Variants in SLC38A2 observed in about 807,000 individuals in gnomAD.
SLC38A2 encodes the protein sodium-coupled neutral amino acid symporter 2.
In SLC38A2, 11 loss-of-function variants were observed where a neutral mutation model predicts 61.5. The ratio of observed to expected loss-of-function variants is 0.18; its 90% CI spans 0.11 to 0.30. The LOEUF is 0.30. SLC38A2 is among the 10% of genes least tolerant of loss of function. The pLI is 1.00. For synonymous variants in SLC38A2, 217 were observed against 212.5 expected (o/e 1.02, Z -0.18); for missense variants, 522 against 600.4 (o/e 0.87, Z 1.36).
rs1313286432 is a variant in SLC38A2, at chr12:46,364,494, T to C, written c.768A>G (p.Thr256=). ...TTGGCTGTGTTAAGGTGGTGTTTAT[T>C]GTTTCGTTAATTATCAAAGCAGCTT... ...PVEAALIINE[T]INTTLTQPTA... The change falls in exon 10 of 16, where the codon ACA becomes ACG. Residue 256 remains threonine (T), a synonymous_variant. Transcript: ENST00000256689. The C allele has an allele frequency of 5.0e-6, 8 of 1,612,476 alleles. No individual in the cohort carries two copies. The highest frequency in any genetic ancestry group is 1.3e-5 in the African/African-American group (1 of 74,770).
In SLC38A2 at chr12:46,362,548, T is replaced by C. The variant is rs762986908; in HGVS notation, c.1270A>G (p.Thr424Ala). 1.2e-6 allele frequency: 2 copies of C among 1,601,788 alleles called. No homozygotes were observed. The highest frequency in any genetic ancestry group is 1.7e-6 in the Non-Finnish European group (2 of 1,177,022). The change falls in exon 14 of 16, where the codon ACC becomes GCC. Residue 424 changes from threonine (T) to alanine (A), a missense_variant. Physicochemically the swap from Thr to Ala is moderately conservative, Grantham distance 58. Around this residue, in one of 3 missense-constraint regions of SLC38A2, gnomAD observed 309 missense variants for 343.9 expected, o/e 0.90. Transcript: ENST00000256689. Reference sequence around the variant, plus strand: ...GGGACAAAGATGACAAGTAAATTGGTAAATGCCAAGATAGACACTGTAATG... The same window carrying C: ...GGGACAAAGATGACAAGTAAATTGGCAAATGCCAAGATAGACACTGTAATG... ...SLITVSILAF[T>A]NLLVIFVPTI...
At position 46,364,656 on chromosome 12, in the gene SLC38A2, G is replaced by T; in HGVS notation, c.693C>A (p.Phe231Leu). ...AAATCATACCCACCACAATCAGAAA[G>T]AACACCATACACAACAAGGAAAGGC... The part of the protein sequence containing the change: ...TSGLSLLCMV[F>L]FLIVVICKKF... Residue 231 changes from phenylalanine to leucine, a missense_variant, in exon 9 of 16, where the codon TTC becomes TTA. By Grantham distance (22) the Phe-to-Leu change is conservative. Transcript: ENST00000256689. The T allele has an allele frequency of 6.2e-7, 1 of 1,608,618 alleles. No homozygotes were observed. Among genetic ancestry groups the T allele is most frequent in the Non-Finnish European group, 8.5e-7 (1 of 1,178,056 alleles).
intron 4 of SLC38A2, among the ~76,000 whole-genome samples, chr12:46,369,003 C>G (rs1423725718): frequency 1.3e-5 from 2 of 152,158 alleles, no homozygotes; most frequent in Non-Finnish European, 2.9e-5. Flanking sequence ...TAAAATCACA[C>G]TTTAGCAATC....
rs776266864 is a variant in SLC38A2 at position 46,361,224 on chromosome 12, G to C, written c.1423-15C>G. The C allele has an allele frequency of 6.2e-7, 1 of 1,603,258 alleles. No individual in the cohort carries two copies. On this transcript the variant is annotated splice_polypyrimidine_tract_variant and intron_variant, in intron 15 of 15. Coordinates refer to ENST00000256689, the MANE Select transcript of SLC38A2 (RefSeq NM_018976.5). ...AAGAACAAAGCCTGCAAAGAGCATA[G>C]AGAAAATTGATCAGCAAGTAATAAA... is the stretch of plus-strand genomic sequence containing the variant.
intron 8 of SLC38A2, 123 bp downstream of exon 8, chr12:46,364,984 G>A: frequency 2.1e-6 from 2 of 943,896 alleles, no homozygotes; most frequent in Non-Finnish European, 3.3e-6. Context: ...CATGCTGTAA[G>A]TCCCAAAGAT....
At chr12:46,368,975 AAAGT>A (rs1231973924) in intron 4 of SLC38A2, among the ~76,000 whole-genome samples, 1 of 152,186 alleles carries the variant, frequency 6.6e-6, no homozygotes, top group African/African-American at 2.4e-5. Flanking sequence ...CTCTAAATAT[AAAGT>A]AAGTACTGAT....
intron 3 of SLC38A2, 68 bp from the exon 4 acceptor site, chr12:46,370,695 A>G: frequency 6.5e-7 from 1 of 1,545,342 alleles, no homozygotes; most frequent in Non-Finnish European, 8.9e-7. Context: ...GCTTTGGGCA[A>G]GTTAGATTTG....
At position 46,358,331 on chromosome 12, in the gene SLC38A2, CAA is replaced by C. The variant is rs2120506448; in HGVS notation, c.*2778_*2779del. On this transcript the variant is annotated 3_prime_UTR_variant, in exon 16 of 16. Coordinates refer to ENST00000256689, the MANE Select transcript of SLC38A2 (RefSeq NM_018976.5). The stretch of plus-strand genomic sequence containing the variant: ...AGTGGGGATATTTACACTATATACA[CAA>C]AGTTAATACACCCAGGTTCTCAAAG... 1 of 152,670 alleles carries C rather than the reference CAA, an allele frequency of 6.6e-6. No individual in the cohort carries two copies. Among genetic ancestry groups the C allele is most frequent in the African/African-American group, 2.4e-5 (1 of 41,548 alleles). The allele number at this position is 152,670 out of a possible 1,614,324, so 9.5% of individuals were successfully genotyped here.
In SLC38A2 at chr12:46,360,626, TTAAAAG is replaced by T. The variant is rs1326906999; in HGVS notation, c.*479_*484del. On this transcript the variant is annotated 3_prime_UTR_variant, in exon 16 of 16. Transcript: ENST00000256689. ...GAATAAAGTTCAAAAAAGCAATTTC[TTAAAAG>T]TAAAAGAGTGCTTCTGAGGTCTTTA... is the stretch of plus-strand genomic sequence containing the variant. The T allele has an allele frequency of 4.6e-5, 7 of 152,828 alleles. No homozygotes were observed. The highest frequency in any genetic ancestry group is 1.9e-4 in the East Asian group (1 of 5,202). 9.5% of individuals were successfully genotyped at this position (152,828 alleles called of 1,614,324 possible). A position where few individuals can be genotyped will look rare whatever the true frequency, so the allele number is the denominator to read the frequency against.
Position 46,371,871 on chromosome 12 carries a change from C to A in SLC38A2, c.-86-492G>T, listed in dbSNP as rs978937399. ...GGAGAAATGCCTCTGCCGCAGACAG[C>A]CTTCCCCAGGAGGCGGAAAGGGCCG... is the stretch of plus-strand genomic sequence containing the variant. On this transcript the variant is annotated intron_variant, in intron 1 of 15. Transcript: ENST00000256689. Among the ~76,000 whole-genome samples the A allele has an allele frequency of 7.9e-5, 12 of 152,304 alleles. No homozygotes were observed. The East Asian group carries it at 1.9e-3, about 25-fold the overall frequency.
Position 46,363,089 on chromosome 12 carries a change from GAAT to G in SLC38A2, c.1108_1110del (p.Ile370del). The stretch of plus-strand genomic sequence containing the variant: ...ACAGCCAGACGGACAATGAGAAGAA[GAAT>G]ATCAGTTCCCAAGATAGAAGAGTAG... On this transcript the variant is annotated inframe_deletion, in exon 13 of 16. Coordinates refer to ENST00000256689, the MANE Select transcript of SLC38A2 (RefSeq NM_018976.5). 6.2e-7 allele frequency: 1 copy of G among 1,613,040 alleles called. No homozygotes were observed. The highest frequency in any genetic ancestry group is 8.5e-7 in the Non-Finnish European group (1 of 1,179,220).
Position 46,361,090 on chromosome 12 carries a change from T to C in SLC38A2, c.*21A>G. On this transcript the variant is annotated 3_prime_UTR_variant, in exon 16 of 16. Transcript: ENST00000256689. ...CAACACTGGCATCAGATGGACTGAG[T>C]TTGAGTTTGAGTGGTGCCAATTAAT... The C allele has an allele frequency of 6.3e-7, 1 of 1,593,280 alleles. No homozygotes were observed. The highest frequency in any genetic ancestry group is 8.6e-7 in the Non-Finnish European group (1 of 1,163,006).
chr12:46,367,503 C>T, intron 4 of SLC38A2, 163 bp from the exon 5 acceptor site: 1 of 615,506 alleles, frequency 1.6e-6, no homozygotes, highest in Non-Finnish European at 2.9e-6. Flanking sequence ...GGAATGGCAA[C>T]ACTGTCTCTT....
At position 46,363,818 on chromosome 12, in the gene SLC38A2, C is replaced by G; in HGVS notation, c.962G>C (p.Arg321Pro). The G allele has an allele frequency of 6.3e-7, 1 of 1,590,852 alleles. No homozygotes were observed. Among genetic ancestry groups the G allele is most frequent in the Non-Finnish European group, 8.5e-7 (1 of 1,172,070 alleles). Residue 321 changes from arginine (R) to proline (P), a missense_variant, in exon 12 of 16, where the codon CGT (arginine) becomes CCT (proline). Physicochemically the swap from Arg to Pro is moderately radical, Grantham distance 103 (BLOSUM62 -2). This residue lies in a region of SLC38A2 where 309 missense variants were observed against 343.9 expected (regional missense o/e 0.90). Transcript: ENST00000256689. Reference sequence around the variant, plus strand: ...CTTGGACACATTCATCATTCTTCTACGGCTGCGGCTATGTAATTCAAGAGA... The same window carrying G: ...CTTGGACACATTCATCATTCTTCTAGGGCTGCGGCTATGTAATTCAAGAGA... ...PIYEELKDRS[R>P]RRMMNVSKIS... is the part of the protein sequence containing the mutation.
Position 46,358,595 on chromosome 12 carries a change from G to A in SLC38A2, c.*2516C>T, listed in dbSNP as rs190189018. ...TCAATTTTCTGTACAGGTACTTTTGGGACAATTCTTATAGTTACATAATGT... is the reference window on the plus strand; with the variant it reads ...TCAATTTTCTGTACAGGTACTTTTGAGACAATTCTTATAGTTACATAATGT... On this transcript the variant is annotated 3_prime_UTR_variant, in exon 16 of 16. Transcript: ENST00000256689. The A allele has an allele frequency of 1.6e-3, 237 of 152,110 alleles. No homozygotes were observed. The highest frequency in any genetic ancestry group is 5.5e-3 in the African/African-American group (226 of 41,368). The allele number at this position is 152,110 out of a possible 1,614,324, so 9.4% of individuals were successfully genotyped here. A position where few individuals can be genotyped will look rare whatever the true frequency, so the allele number is the denominator to read the frequency against.
At position 46,361,222 on chromosome 12, in the gene SLC38A2, T is replaced by C. The variant is rs773045955; in HGVS notation, c.1423-13A>G. ...GGAAGAACAAAGCCTGCAAAGAGCA[T>C]AGAGAAAATTGATCAGCAAGTAATA... On this transcript the variant is annotated splice_polypyrimidine_tract_variant and intron_variant, in intron 15 of 15. Coordinates refer to ENST00000256689, the MANE Select transcript of SLC38A2 (RefSeq NM_018976.5). 5.0e-6 allele frequency: 8 copies of C among 1,606,176 alleles called. No individual in the cohort carries two copies. The highest frequency in any genetic ancestry group is 1.7e-4 in the Middle Eastern group (1 of 6,050).
intron 3 of SLC38A2, 51 bp downstream of exon 3, chr12:46,370,725 T>C: frequency 6.5e-7 from 1 of 1,544,234 alleles, no homozygotes; most frequent in Non-Finnish European, 8.9e-7. Context: ...AGTAAAACTA[T>C]TCTTTTACTC....
At position 46,359,457 on chromosome 12, in the gene SLC38A2, G is replaced by A. The variant is rs533003342; in HGVS notation, c.*1654C>T. On this transcript the variant is annotated 3_prime_UTR_variant, in exon 16 of 16. Coordinates refer to ENST00000256689, the MANE Select transcript of SLC38A2 (RefSeq NM_018976.5). ...ATTTAGTCACATATAATACAAGAAT[G>A]CGTAACAAAAACCATGTCTCCACAT... 2.0e-5 allele frequency: 3 copies of A among 152,718 alleles called. No homozygotes were observed. The highest frequency in any genetic ancestry group is 7.2e-5 in the African/African-American group (3 of 41,560). The allele number at this position is 152,718 out of a possible 1,614,324, so 9.5% of individuals were successfully genotyped here.
At chr12:46,372,175 AATT>A (rs1034154474) in intron 1 of SLC38A2, 1 of 152,578 alleles carries the variant, frequency 6.6e-6, no homozygotes, top group Non-Finnish European at 1.5e-5. Context: ...CCCTGGACTT[AATT>A]TTTTTTTTTT....
Sources: allele counts gnomAD v4.1 joint callset (sites outside exome capture counted in the v4.1 genomes callset), GRCh38; gene constraint gnomAD v4.1.1; regional missense constraint gnomAD v4.1.1; transcripts MANE v1.5; gene names NCBI Gene and HGNC (gene_info 2026-07-23, HGNC 2026-07-21).